Variants in UNC5C observed in about 807,000 individuals in gnomAD.
UNC5C encodes netrin receptor UNC5C.
Under a neutral mutation model 99.8 loss-of-function variants are expected in UNC5C, and 47 were observed. That is an observed-to-expected ratio of 0.47 (90% CI 0.37 to 0.60). The LOEUF is 0.60. Ranked by LOEUF, UNC5C falls within the 20% of genes least tolerant of loss-of-function variation. UNC5C has a pLI of 0.00. For missense variants in UNC5C, 1,062 were observed against 1,165.9 expected, an observed-to-expected ratio of 0.91 and a Z score of 1.30; for synonymous variants, 487 against 452.2, an observed-to-expected ratio of 1.08 and a Z score of -0.98.
intron 7 of UNC5C, among the ~76,000 whole-genome samples, chr4:95,232,827 T>A (rs1195568805): frequency 6.6e-6 from 1 of 150,586 alleles, no homozygotes; most frequent in Non-Finnish European, 1.5e-5. Context: ...ACAGAATATT[T>A]ATTTGCCAGC....
intron 7 of UNC5C, among the ~76,000 whole-genome samples, chr4:95,233,605 A>C (rs1738993767): frequency 6.6e-6 from 1 of 152,228 alleles, no homozygotes; most frequent in African/African-American, 2.4e-5. Flanking sequence ...TATGCTATCC[A>C]TGACAAATAG....
chr4:95,438,931 G>C (rs2149462822), intron 1 of UNC5C, among the ~76,000 whole-genome samples: 1 of 152,184 alleles, frequency 6.6e-6, no homozygotes, highest in Non-Finnish European at 1.5e-5. Flanking sequence ...AATCATTGAG[G>C]AAACCCATCA....
intron 1 of UNC5C, among the ~76,000 whole-genome samples, chr4:95,481,822 G>T (rs139148650): frequency 1.3e-5 from 2 of 151,704 alleles, no homozygotes; most frequent in African/African-American, 2.4e-5. Flanking sequence ...AAAGCTGAAA[G>T]TGGATCCCTT....
chr4:95,359,582 C>T (rs1275085517), intron 1 of UNC5C, among the ~76,000 whole-genome samples: 4 of 151,598 alleles, frequency 2.6e-5, no homozygotes, highest in Admixed American at 6.6e-5. Flanking sequence ...CCCTCTGGGA[C>T]GCAACTTTTT....
At chr4:95,478,969 A>G (rs999388156) in intron 1 of UNC5C, among the ~76,000 whole-genome samples, 5 of 151,902 alleles carry the variant, frequency 3.3e-5, no homozygotes, top group Admixed American at 6.6e-5. Flanking sequence ...CCCTCTCATC[A>G]TGTGACACAC....
At chr4:95,179,863 G>T (rs1352964637) in intron 14 of UNC5C, among the ~76,000 whole-genome samples, 1 of 150,836 alleles carries the variant, frequency 6.6e-6, no homozygotes. Context: ...ACCAACTTGG[G>T]GATACATGCT....
intron 1 of UNC5C, among the ~76,000 whole-genome samples, chr4:95,495,519 T>C (rs1001344553): frequency 9.9e-5 from 15 of 151,804 alleles, no homozygotes; most frequent in African/African-American, 3.4e-4. Context: ...AAGATAATAA[T>C]TGATATGTAC....
At chr4:95,179,105 A>G (rs1160164029) in intron 14 of UNC5C, among the ~76,000 whole-genome samples, 1 of 152,168 alleles carries the variant, frequency 6.6e-6, no homozygotes, top group Non-Finnish European at 1.5e-5. Context: ...CCTTATGTAA[A>G]CATATGATTT....
rs1386693902 is a variant in UNC5C, at chr4:95,196,761, A to C, written c.2136+5970T>G. ...TATATTTATGTAATATATAATATATATATTATATTTATGTAATATATAATA... is the reference window on the plus strand; with the variant it reads ...TATATTTATGTAATATATAATATATCTATTATATTTATGTAATATATAATA... On this transcript the variant is annotated intron_variant, in intron 12 of 15. Coordinates refer to ENST00000453304, the MANE Select transcript of UNC5C (RefSeq NM_003728.4). Among the ~76,000 whole-genome samples the C allele has an allele frequency of 9.9e-4, 70 of 70,384 alleles. 8 individuals carry two copies. The highest frequency in any genetic ancestry group is 4.1e-3 in the African/African-American group (61 of 14,718). The allele number at this position is 70,384 out of a possible 152,430, so 46.2% of individuals were successfully genotyped here.
intron 1 of UNC5C, among the ~76,000 whole-genome samples, chr4:95,520,229 A>G (rs2149489955): frequency 6.6e-6 from 1 of 152,340 alleles, no homozygotes; most frequent in Non-Finnish European, 1.5e-5. Flanking sequence ...ATTTGTAAGT[A>G]TATTGATATT....
intron 1 of UNC5C, among the ~76,000 whole-genome samples, chr4:95,396,946 G>T (rs2149447030): frequency 6.6e-6 from 1 of 150,560 alleles, no homozygotes; most frequent in Admixed American, 6.6e-5. Flanking sequence ...AAAAGCTTAA[G>T]CATATCAACA....
intron 1 of UNC5C, among the ~76,000 whole-genome samples, chr4:95,509,723 G>T (rs1301052872): frequency 1.3e-5 from 2 of 151,646 alleles, no homozygotes; most frequent in Non-Finnish European, 3.0e-5. Context: ...TGTATTCTCA[G>T]TATATTATTA....
At chr4:95,311,743 G>A (rs1328104253) in intron 2 of UNC5C, among the ~76,000 whole-genome samples, 3 of 152,108 alleles carry the variant, frequency 2.0e-5, no homozygotes, top group African/African-American at 7.2e-5. Context: ...AGGATACAGT[G>A]CTAAAGAAAG....
chr4:95,328,056 T>A, intron 2 of UNC5C, among the ~76,000 whole-genome samples: 1 of 95,336 alleles, frequency 1.0e-5, no homozygotes, highest in Non-Finnish European at 2.2e-5. Context: ...TTTTTTTTTT[T>A]TTTTAATTTT....
intron 1 of UNC5C, among the ~76,000 whole-genome samples, chr4:95,384,048 G>C (rs183285966): frequency 6.6e-6 from 1 of 152,180 alleles, no homozygotes; most frequent in East Asian, 1.9e-4. Context: ...AACTCATAAA[G>C]AGCCATTAAT....
intron 1 of UNC5C, among the ~76,000 whole-genome samples, chr4:95,396,806 C>A (rs969126077): frequency 6.6e-6 from 1 of 151,888 alleles, no homozygotes; most frequent in Admixed American, 6.5e-5. Flanking sequence ...AAACCATTAT[C>A]CCTGATTGTG....
Position 95,301,552 on chromosome 4 carries a change from C to A in UNC5C, c.490+54G>T, listed in dbSNP as rs7698532. On this transcript the variant is annotated intron_variant, in intron 3 of 15. Transcript: ENST00000453304. ...CTGGAGTAGTCACAGTGTAAACTTTCCCTTATGTGTATCAACTTCTGAGAC... is the reference window on the plus strand; with the variant it reads ...CTGGAGTAGTCACAGTGTAAACTTTACCTTATGTGTATCAACTTCTGAGAC... The A allele has an allele frequency of 2.3e-3, 3,670 of 1,610,036 alleles. 80 individuals are homozygous for A. The African/African-American group carries it at 0.043, about 19-fold the overall frequency.
intron 1 of UNC5C, among the ~76,000 whole-genome samples, chr4:95,346,992 T>A (rs1287442627): frequency 1.3e-5 from 2 of 152,012 alleles, no homozygotes; most frequent in Non-Finnish European, 2.9e-5. Context: ...TGTTTGCAGA[T>A]GAGATGATCA....
At chr4:95,418,469 G>T (rs990772727) in intron 1 of UNC5C, among the ~76,000 whole-genome samples, 12 of 152,090 alleles carry the variant, frequency 7.9e-5, no homozygotes, top group Admixed American at 7.9e-4. Flanking sequence ...AATTAAGAAA[G>T]AAATGATGAA....
Sources: gnomAD v4.1 joint callset for allele counts (sites outside exome capture counted in the v4.1 genomes callset) on GRCh38, gnomAD v4.1.1 for gene constraint, MANE v1.5 for transcripts, NCBI Gene and HGNC (gene_info 2026-07-23, HGNC 2026-07-21) for gene names.